Variants in ABLIM3 observed in about 807,000 individuals in gnomAD.
ABLIM3 encodes actin binding LIM protein family member 3, also known as actin-binding LIM protein 3.
ABLIM3 carries 61 observed loss-of-function variants against 109.5 expected under a neutral mutation model. That is an observed-to-expected ratio of 0.56 (90% CI 0.45 to 0.69). ABLIM3 has a LOEUF of 0.69. ABLIM3 is among the 30% of genes least tolerant of loss of function. The pLI, the probability that ABLIM3 is intolerant of heterozygous loss-of-function variation, is 0.00. For synonymous variants in ABLIM3, 300 were observed against 324.8 expected, an observed-to-expected ratio of 0.92 and a Z score of 0.82; for missense variants, 796 against 889.5, an observed-to-expected ratio of 0.89 and a Z score of 1.34.
chr5:149,160,737 A>G (rs182495078), intron 2 of ABLIM3, among the ~76,000 whole-genome samples: 31 of 152,254 alleles, frequency 2.0e-4, no homozygotes, highest in African/African-American at 7.5e-4. Flanking sequence ...AGACAGAGAC[A>G]CTTTCTAGTT....
chr5:149,251,267 A>G, intron 20 of ABLIM3, 92 bp from the exon 21 acceptor site: 2 of 1,441,960 alleles, frequency 1.4e-6, no homozygotes, highest in Non-Finnish European at 1.9e-6. Context: ...ATGTCCCACA[A>G]GCGCCAGTCC....
intron 2 of ABLIM3, chr5:149,177,093 T>C (rs1243183374): frequency 3.3e-5 from 5 of 152,238 alleles, no homozygotes; most frequent in Non-Finnish European, 5.9e-5. Flanking sequence ...CAAGTATGAA[T>C]GAAACAATGA....
chr5:149,194,145 C>T (rs1757743550), intron 3 of ABLIM3, among the ~76,000 whole-genome samples: 1 of 151,772 alleles, frequency 6.6e-6, no homozygotes, highest in African/African-American at 2.4e-5. Flanking sequence ...AAAGCAAGCC[C>T]CAAATTGCAG....
At chr5:149,145,402 C>A (rs1190812611) in intron 2 of ABLIM3, among the ~76,000 whole-genome samples, 2 of 152,080 alleles carry the variant, frequency 1.3e-5, no homozygotes, top group African/African-American at 4.8e-5. Context: ...TTGATAAACA[C>A]CTAGGTTGAT....
chr5:149,221,992 A>G (rs1185026478), intron 8 of ABLIM3, among the ~76,000 whole-genome samples: 1 of 152,168 alleles, frequency 6.6e-6, no homozygotes, highest in Non-Finnish European at 1.5e-5. Flanking sequence ...TATCATTTGT[A>G]TATTTAACTA....
intron 18 of ABLIM3, 108 bp downstream of exon 18, chr5:149,248,037 G>A: frequency 7.5e-7 from 1 of 1,339,786 alleles, no homozygotes. Flanking sequence ...CACAGCCCAT[G>A]CATCCTCTCT....
intron 6 of ABLIM3, among the ~76,000 whole-genome samples, chr5:149,208,924 A>C (rs1005102426): frequency 3.9e-5 from 6 of 152,222 alleles, no homozygotes; most frequent in Non-Finnish European, 7.3e-5. Context: ...GGTAAGATTC[A>C]AAAATGCAAA....
chr5:149,151,455 G>A (rs1235995473), intron 2 of ABLIM3, among the ~76,000 whole-genome samples: 1 of 152,158 alleles, frequency 6.6e-6, no homozygotes, highest in Non-Finnish European at 1.5e-5. Context: ...GACTCCTCAA[G>A]GAGATTTTCT....
At chr5:149,191,452 G>A (rs1377316520) in intron 3 of ABLIM3, among the ~76,000 whole-genome samples, 3 of 151,994 alleles carry the variant, frequency 2.0e-5, no homozygotes, top group South Asian at 2.1e-4. Flanking sequence ...ACTCTTCTAC[G>A]AAAGAAACAA....
At chr5:149,153,644 C>T (rs1753632479) in intron 2 of ABLIM3, among the ~76,000 whole-genome samples, 1 of 152,140 alleles carries the variant, frequency 6.6e-6, no homozygotes, top group Non-Finnish European at 1.5e-5. Flanking sequence ...AATGAGTGAC[C>T]GGAACAGTGG....
In ABLIM3 at chr5:149,258,470, C is replaced by T. The variant is rs1463863013; in HGVS notation, c.*66C>T. 2.0e-5 allele frequency: 30 copies of T among 1,514,170 alleles called. No homozygotes were observed. The highest frequency in any genetic ancestry group is 1.0e-4 in the Admixed American group (5 of 48,758). The allele number at this position is 1,514,170 out of a possible 1,614,324, so 93.8% of individuals were successfully genotyped here. A position where few individuals can be genotyped will look rare whatever the true frequency, so the allele number is the denominator to read the frequency against. On this transcript the variant is annotated 3_prime_UTR_variant, in exon 24 of 24. Transcript: ENST00000309868. ...TATGTAAAATCTCTCTACTGAAGCT[C>T]GGTATAATCCTCTCTTGTGTAATGG... is the stretch of plus-strand genomic sequence containing the variant.
intron 23 of ABLIM3, among the ~76,000 whole-genome samples, chr5:149,255,970 T>C (rs1431820726): frequency 6.6e-6 from 1 of 152,158 alleles, no homozygotes. Flanking sequence ...GAAAAGGAAA[T>C]TGAAGTTCAG....
At chr5:149,225,587 A>T (rs1489631939) in intron 8 of ABLIM3, among the ~76,000 whole-genome samples, 1 of 152,072 alleles carries the variant, frequency 6.6e-6, no homozygotes, top group Non-Finnish European at 1.5e-5. Context: ...TCCATAGGTA[A>T]TTGGGGAACA....
At chr5:149,177,988 G>A (rs1320303024) in intron 2 of ABLIM3, among the ~76,000 whole-genome samples, 4 of 152,294 alleles carry the variant, frequency 2.6e-5, no homozygotes, top group Middle Eastern at 3.4e-3. Flanking sequence ...GGCAGGGCTG[G>A]AATCCAAACC....
Position 149,237,582 on chromosome 5 carries a change from G to A in ABLIM3, c.1023G>A (p.Leu341=). The A allele has an allele frequency of 1.2e-6, 2 of 1,614,168 alleles. No individual in the cohort carries two copies. Among genetic ancestry groups the A allele is most frequent in the South Asian group, 2.2e-5 (2 of 91,072 alleles). ...PHSRYMSDEM[L]ERCGYGESLG... The stretch of plus-strand genomic sequence containing the variant: ...CCAGATACATGTCCGACGAGATGCT[G>A]GAGAGATGTGGCTATGGAGAGGTAT... Residue 341 remains leucine (L), a synonymous_variant, in exon 11 of 24, where the codon CTG becomes CTA. Transcript: ENST00000309868.
At chr5:149,233,399 C>T in intron 10 of ABLIM3, 99 bp downstream of exon 10, 1 of 1,265,544 alleles carries the variant, frequency 7.9e-7, no homozygotes, top group South Asian at 1.2e-5. Flanking sequence ...TTTCATCCAG[C>T]TGACATTTGA....
chr5:149,213,076 A>G (rs1759718275), intron 7 of ABLIM3, among the ~76,000 whole-genome samples: 2 of 152,174 alleles, frequency 1.3e-5, no homozygotes, highest in Non-Finnish European at 2.9e-5. Flanking sequence ...TTGCACCACT[A>G]CACTCCCGCC....
rs1023902849 is a variant in ABLIM3, at chr5:149,188,850, A to G, written c.151+5261A>G. On this transcript the variant is annotated intron_variant, in intron 3 of 23. Coordinates refer to ENST00000309868, the MANE Select transcript of ABLIM3 (RefSeq NM_014945.5). ...AAAATCTCAGCTGGCTTCTTTGCCA[A>G]AATTGATGGTCTGATCCTAAAATTC... Among the ~76,000 whole-genome samples the G allele has an allele frequency of 2.0e-5, 3 of 152,224 alleles. No individual in the cohort carries two copies. In the South Asian group the frequency reaches 6.2e-4, roughly 32 times the overall value.
At position 149,170,228 on chromosome 5, in the gene ABLIM3, T is replaced by TTCTCTCTCTCTCTCTC. The variant is rs10644957; in HGVS notation, c.14-13203_14-13188dup. Among the ~76,000 whole-genome samples, 372 of 124,622 alleles carry TTCTCTCTCTCTCTCTC rather than the reference T, an allele frequency of 3.0e-3. 3 individuals carry two copies. Among genetic ancestry groups the TTCTCTCTCTCTCTCTC allele is most frequent in the African/African-American group, 6.5e-3 (207 of 31,936 alleles). 81.8% of individuals were successfully genotyped at this position (124,622 alleles called of 152,430 possible). ...ATGATGCATTCATTCAGGGTTCTGT[T>TTCTCTCTCTCTCTCTC]TCTCTCTCTCTCTCTCTCTCTCTCT... On this transcript the variant is annotated intron_variant, in intron 2 of 23. Transcript: ENST00000309868.
Sources: gnomAD v4.1 joint callset for allele counts (sites outside exome capture counted in the v4.1 genomes callset) on GRCh38, gnomAD v4.1.1 for gene constraint, MANE v1.5 for transcripts, NCBI Gene and HGNC (gene_info 2026-07-23, HGNC 2026-07-21) for gene names.